The following KLF12 variants were observed in gnomAD, a reference collection of about 807,000 sequenced individuals.
KLF12 encodes the protein KLF transcription factor 12.
In KLF12, 9 loss-of-function variants were observed where a neutral mutation model predicts 37.8. The observed-to-expected ratio is 0.24, with a 90% CI of 0.14 to 0.42. The LOEUF is 0.42. KLF12 is among the 10% of genes least tolerant of loss of function. The probability of loss-of-function intolerance (pLI) is 1.00; values close to 1 mark genes in which losing one functional copy is unlikely to be tolerated. For missense variants in KLF12, 411 were observed against 516.0 expected, an observed-to-expected ratio of 0.80 and a Z score of 1.97; for synonymous variants, 208 against 202.1, an observed-to-expected ratio of 1.03 and a Z score of -0.25.
intron 3 of KLF12, among the ~76,000 whole-genome samples, chr13:73,924,349 T>A (rs1430652084): frequency 6.6e-6 from 1 of 152,218 alleles, no homozygotes; most frequent in Non-Finnish European, 1.5e-5. Context: ...CAGCATGTGC[T>A]CACTTTGTGT....
intron 1 of KLF12, among the ~76,000 whole-genome samples, chr13:74,048,026 C>T (rs1312124134): frequency 6.6e-6 from 1 of 152,204 alleles, no homozygotes; most frequent in African/African-American, 2.4e-5. Context: ...CTCCACCATG[C>T]CCAGGGTGGG....
chr13:73,882,987 C>T (rs182432190), intron 3 of KLF12, among the ~76,000 whole-genome samples: 4 of 152,216 alleles, frequency 2.6e-5, no homozygotes, highest in African/African-American at 7.2e-5. Flanking sequence ...CTTTGTAAAT[C>T]GTCTTCTGTT....
At chr13:73,883,025 A>G (rs766517229) in intron 3 of KLF12, among the ~76,000 whole-genome samples, 98 of 152,188 alleles carry the variant, frequency 6.4e-4, no homozygotes, top group Admixed American at 2.5e-3. Flanking sequence ...CCCAAATGCA[A>G]AATGTACTAA....
At chr13:73,844,159 G>A (rs1210170494) in intron 4 of KLF12, among the ~76,000 whole-genome samples, 1 of 152,028 alleles carries the variant, frequency 6.6e-6, no homozygotes, top group Non-Finnish European at 1.5e-5. Flanking sequence ...GTTCTATCAT[G>A]TACACATGTA....
At chr13:74,202,011 G>T in the KLF12 span, among the ~76,000 whole-genome samples, 2 of 152,092 alleles carry the variant, frequency 1.3e-5, no homozygotes, top group Non-Finnish European at 2.9e-5. Context: ...AGAGGCTGTT[G>T]TCCAGCTCTG....
At chr13:74,183,805 C>T in the KLF12 span, among the ~76,000 whole-genome samples, 1 of 152,068 alleles carries the variant, frequency 6.6e-6, no homozygotes, top group Non-Finnish European at 1.5e-5. Context: ...GGCATGGTGG[C>T]ACATGCCTGT....
At chr13:73,841,336 C>T (rs959706695) in intron 4 of KLF12, among the ~76,000 whole-genome samples, 13 of 152,032 alleles carry the variant, frequency 8.6e-5, no homozygotes, top group Admixed American at 2.6e-4. Context: ...TGGGCCACAA[C>T]GGAAGAAGAA....
chr13:74,169,895 C>T, the KLF12 span, among the ~76,000 whole-genome samples: 1 of 152,212 alleles, frequency 6.6e-6, no homozygotes, highest in African/African-American at 2.4e-5. Context: ...AGAAAAGCAG[C>T]TGTGTTACAC....
chr13:73,954,461 T>G (rs146843551), intron 2 of KLF12, among the ~76,000 whole-genome samples: 1 of 152,200 alleles, frequency 6.6e-6, no homozygotes, highest in East Asian at 1.9e-4. Context: ...GATCTTTAGA[T>G]TTTTACTTCA....
At chr13:74,048,040 C>T (rs1030268353) in intron 1 of KLF12, among the ~76,000 whole-genome samples, 1 of 152,194 alleles carries the variant, frequency 6.6e-6, no homozygotes, top group Non-Finnish European at 1.5e-5. Context: ...GGGTGGGACA[C>T]ACCCAAATGG....
the KLF12 span, among the ~76,000 whole-genome samples, chr13:74,152,812 G>C: frequency 1.3e-5 from 2 of 151,526 alleles, no homozygotes; most frequent in Non-Finnish European, 2.9e-5. Flanking sequence ...TGAGCCCGGG[G>C]AGTCGAGGCT....
At chr13:73,700,484 T>C (rs889263006) in intron 7 of KLF12, among the ~76,000 whole-genome samples, 24 of 152,028 alleles carry the variant, frequency 1.6e-4, no homozygotes, top group African/African-American at 5.8e-4. Flanking sequence ...TATAAAAACA[T>C]ACACTTTTAC....
rs974758215 is a variant in KLF12, at chr13:73,715,304, G to T, written c.1027+64C>A. ...TGAATGAGTACGAAAGGCTCCCGAG[G>T]TAAGTGGCCGGCGCTTTATGGACTC... On this transcript the variant is annotated intron_variant, in intron 7 of 7. Coordinates refer to ENST00000377669, the MANE Select transcript of KLF12 (RefSeq NM_007249.5). The T allele has an allele frequency of 5.7e-5, 84 of 1,467,786 alleles. No homozygotes were observed. In the South Asian group the frequency reaches 7.8e-4, roughly 14 times the overall value. 90.9% of individuals were successfully genotyped at this position (1,467,786 alleles called of 1,614,324 possible).
chr13:73,882,557 C>T (rs1204273201), intron 3 of KLF12, among the ~76,000 whole-genome samples: 1 of 152,132 alleles, frequency 6.6e-6, no homozygotes, highest in East Asian at 1.9e-4. Flanking sequence ...CAAAAACAGG[C>T]TGCATGAGAA....
intron 3 of KLF12, among the ~76,000 whole-genome samples, chr13:73,895,086 A>G (rs1482211058): frequency 1.3e-5 from 2 of 152,230 alleles, no homozygotes; most frequent in African/African-American, 4.8e-5. Context: ...TATGAACCAC[A>G]TAATTACAAT....
At chr13:73,961,913 A>G in intron 2 of KLF12, 1 of 424,338 alleles carries the variant, frequency 2.4e-6, no homozygotes, top group Non-Finnish European at 4.7e-6. Flanking sequence ...ATGGGCAGCC[A>G]CTTTGGATGA....
intron 3 of KLF12, among the ~76,000 whole-genome samples, chr13:73,856,290 T>A (rs1483278539): frequency 6.6e-6 from 1 of 152,164 alleles, no homozygotes. Flanking sequence ...GACCCTCAGC[T>A]CAATGTTCCT....
intron 2 of KLF12, among the ~76,000 whole-genome samples, chr13:73,968,885 G>A (rs748046885): frequency 6.6e-6 from 1 of 152,042 alleles, no homozygotes; most frequent in Non-Finnish European, 1.5e-5. Flanking sequence ...GCTCTGCACA[G>A]ATCATCCATC....
chr13:73,962,857 A>G (rs186298947), intron 2 of KLF12, among the ~76,000 whole-genome samples: 4 of 152,334 alleles, frequency 2.6e-5, no homozygotes, highest in African/African-American at 9.6e-5. Flanking sequence ...CCTAAAAGTA[A>G]CCACGATTGC....
Sources: gnomAD v4.1 joint callset for allele counts (sites outside exome capture counted in the v4.1 genomes callset) on GRCh38, gnomAD v4.1.1 for gene constraint, MANE v1.5 for transcripts, NCBI Gene and HGNC (gene_info 2026-07-23, HGNC 2026-07-21) for gene names.